EIF2S2: variants seen among roughly 807,000 people sequenced by gnomAD.
EIF2S2 encodes the protein eukaryotic translation initiation factor 2 subunit 2.
A neutral mutation model predicts 44.0 loss-of-function variants in EIF2S2; 4 were observed. That is an observed-to-expected ratio of 0.09 (90% CI 0.04 to 0.21). The LOEUF is 0.21. Among genes scored for constraint, EIF2S2 ranks in the 10% least tolerant of loss-of-function variants. The probability of loss-of-function intolerance (pLI) is 1.00; values close to 1 mark genes in which losing one functional copy is unlikely to be tolerated. For synonymous variants in EIF2S2, 108 were observed against 128.3 expected (o/e 0.84, Z 1.07); for missense variants, 154 against 392.0 (o/e 0.39, Z 5.13).
At chr20:34,107,062 T>C (rs953084641) in intron 1 of EIF2S2, among the ~76,000 whole-genome samples, 2 of 151,958 alleles carry the variant, frequency 1.3e-5, no homozygotes, top group Non-Finnish European at 2.9e-5. Context: ...CCTGTAGTCC[T>C]AGCTACTCGG....
chr20:34,103,641 G>A, intron 2 of EIF2S2, 76 bp from the exon 3 acceptor site: 2 of 1,408,870 alleles, frequency 1.4e-6, no homozygotes, highest in Non-Finnish European at 1.9e-6. Flanking sequence ...ACATAGTTCA[G>A]CAATTAATCA....
intron 3 of EIF2S2, among the ~76,000 whole-genome samples, chr20:34,101,220 G>A (rs771384784): frequency 3.9e-5 from 6 of 152,118 alleles, no homozygotes; most frequent in Non-Finnish European, 7.3e-5. Context: ...CAAGGCAGGC[G>A]GATCACCTAA....
chr20:34,090,448 T>G, intron 8 of EIF2S2, 69 bp downstream of exon 8: 1 of 965,422 alleles, frequency 1.0e-6, no homozygotes, highest in South Asian at 2.0e-5. Flanking sequence ...ATCAAATGGC[T>G]CTTCCTCTAA....
Position 34,089,637 on chromosome 20 carries a change from T to C in EIF2S2, c.*93A>G, listed in dbSNP as rs1217898614. On this transcript the variant is annotated 3_prime_UTR_variant, in exon 9 of 9. Coordinates refer to ENST00000374980, the MANE Select transcript of EIF2S2 (RefSeq NM_003908.5). ...GCCAAAAATCTTGGCAGCTTTTTTA[T>C]CTTGTTTTTAATACAACGGTATATC... The C allele has an allele frequency of 4.2e-6, 6 of 1,420,176 alleles. No individual in the cohort carries two copies. Among genetic ancestry groups the C allele is most frequent in the Non-Finnish European group, 5.6e-6 (6 of 1,065,888 alleles). The allele number at this position is 1,420,176 out of a possible 1,614,324, so 88.0% of individuals were successfully genotyped here.
chr20:34,101,414 C>T (rs1243703384), intron 3 of EIF2S2, among the ~76,000 whole-genome samples: 2 of 151,938 alleles, frequency 1.3e-5, no homozygotes, highest in Admixed American at 6.6e-5. Context: ...CCAGCCTGGG[C>T]GACAGAGTGA....
At chr20:34,101,261 A>G (rs1010472630) in intron 3 of EIF2S2, among the ~76,000 whole-genome samples, 1 of 152,138 alleles carries the variant, frequency 6.6e-6, no homozygotes. Flanking sequence ...CCTGGCCAAC[A>G]TGGTGAAACC....
chr20:34,103,651 A>C lies in EIF2S2; in HGVS notation c.194-86T>G. The C allele has an allele frequency of 2.1e-6, 3 of 1,397,260 alleles. No individual in the cohort carries two copies. In the Middle Eastern group the frequency reaches 5.7e-4, roughly 265 times the overall value. 86.6% of individuals were successfully genotyped at this position (1,397,260 alleles called of 1,614,324 possible). A position where few individuals can be genotyped will look rare whatever the true frequency, so the allele number is the denominator to read the frequency against. Reference sequence around the variant, plus strand: ...CACAAACATAGTTCAGCAATTAATCAAGTCACCAGAAAAGACTGACTATTA... The same window carrying C: ...CACAAACATAGTTCAGCAATTAATCCAGTCACCAGAAAAGACTGACTATTA... On this transcript the variant is annotated intron_variant, in intron 2 of 8. Transcript: ENST00000374980.
At chr20:34,107,338 A>C (rs1196650049) in intron 1 of EIF2S2, among the ~76,000 whole-genome samples, 1 of 152,194 alleles carries the variant, frequency 6.6e-6, no homozygotes, top group African/African-American at 2.4e-5. Flanking sequence ...GACAGCGTTA[A>C]TAGTAAAGTG....
intron 5 of EIF2S2, 74 bp from the exon 6 acceptor site, chr20:34,096,879 T>G (rs1323891410): frequency 8.3e-6 from 12 of 1,447,298 alleles, no homozygotes; most frequent in Non-Finnish European, 1.1e-5. Context: ...TGAGTCATGT[T>G]GCTTAACAGC....
Position 34,110,403 on chromosome 20 carries a change from A to G in EIF2S2, c.15+1693T>C, listed in dbSNP as rs2034399309. Among the ~76,000 whole-genome samples the G allele has an allele frequency of 2.0e-5, 3 of 152,296 alleles. No homozygotes were observed. In the South Asian group the frequency reaches 6.2e-4, roughly 32 times the overall value. On this transcript the variant is annotated intron_variant, in intron 1 of 8. Coordinates refer to ENST00000374980, the MANE Select transcript of EIF2S2 (RefSeq NM_003908.5). Reference sequence around the variant, plus strand: ...ACTTCTACCTGGCAGAATGGAAGCCAAAGACCAGGGTTCTTGTCCTACTAA... The same window carrying G: ...ACTTCTACCTGGCAGAATGGAAGCCGAAGACCAGGGTTCTTGTCCTACTAA...
intron 3 of EIF2S2, 105 bp downstream of exon 3, chr20:34,103,357 A>G: frequency 7.1e-7 from 1 of 1,416,232 alleles, no homozygotes; most frequent in South Asian, 1.4e-5. Context: ...AAGTGCTAAT[A>G]ACAAAAGCAA....
intron 5 of EIF2S2, 36 bp from the exon 6 acceptor site, chr20:34,096,841 G>T: frequency 6.3e-7 from 1 of 1,586,944 alleles, no homozygotes; most frequent in Non-Finnish European, 8.6e-7. Flanking sequence ...AATACGCTTA[G>T]TAACTGCAGG....
chr20:34,097,371 A>C (rs2034241417), intron 5 of EIF2S2, 45 bp downstream of exon 5: 1 of 1,470,634 alleles, frequency 6.8e-7, no homozygotes, highest in Non-Finnish European at 9.4e-7. Context: ...TTCTTTGAGC[A>C]CTAGTGAATA....
chr20:34,103,707 G>T, intron 2 of EIF2S2, 142 bp from the exon 3 acceptor site: 1 of 1,242,458 alleles, frequency 8.0e-7, no homozygotes, highest in East Asian at 4.0e-5. Context: ...AAAACTTATG[G>T]TTCTTTTTTT....
At chr20:34,099,402 T>G (rs2034270208) in intron 3 of EIF2S2, among the ~76,000 whole-genome samples, 1 of 152,156 alleles carries the variant, frequency 6.6e-6, no homozygotes, top group African/African-American at 2.4e-5. Flanking sequence ...TTTAAAAGTT[T>G]AAATCGGATT....
At chr20:34,105,650 G>A (rs1320586907) in intron 1 of EIF2S2, 105 bp from the exon 2 acceptor site, 33 of 1,112,830 alleles carry the variant, frequency 3.0e-5, no homozygotes, top group Admixed American at 6.3e-5. Context: ...AAAAGAGTAT[G>A]TGATACATTA....
In EIF2S2 at chr20:34,103,442, C is replaced by T; in HGVS notation, c.297+20G>A. 1 of 1,533,356 alleles carries T rather than the reference C, an allele frequency of 6.5e-7. No individual in the cohort carries two copies. The highest frequency in any genetic ancestry group is 8.8e-7 in the Non-Finnish European group (1 of 1,133,908). The allele number at this position is 1,533,356 out of a possible 1,614,324, so 95.0% of individuals were successfully genotyped here. A position where few individuals can be genotyped will look rare whatever the true frequency, so the allele number is the denominator to read the frequency against. On this transcript the variant is annotated intron_variant, in intron 3 of 8. Transcript: ENST00000374980. ...CTTGCAAGAGGTCAAATTTTACCTT[C>T]AACAAGAAAGCAATACTACCTTTAC...
chr20:34,101,034 T>C (rs1399925076), intron 3 of EIF2S2, among the ~76,000 whole-genome samples: 1 of 152,198 alleles, frequency 6.6e-6, no homozygotes, highest in African/African-American at 2.4e-5. Context: ...GGACAATGGC[T>C]ACAGTCATTT....
intron 1 of EIF2S2, among the ~76,000 whole-genome samples, chr20:34,109,669 C>A (rs1310726065): frequency 6.6e-6 from 1 of 151,170 alleles, no homozygotes; most frequent in Non-Finnish European, 1.5e-5. Flanking sequence ...TCTAAAAAAA[C>A]AAAACAACAA....
Sources: allele counts gnomAD v4.1 joint callset (sites outside exome capture counted in the v4.1 genomes callset), GRCh38; gene constraint gnomAD v4.1.1; transcripts MANE v1.5; gene names NCBI Gene and HGNC (gene_info 2026-07-23, HGNC 2026-07-21).